The following GALNT13 variants were observed in gnomAD, a reference collection of about 807,000 sequenced individuals.
The protein encoded by GALNT13 is UDP-GalNAc:polypeptide N-acetylgalactosaminyltransferase 13.
GALNT13 carries 28 observed loss-of-function variants against 64.2 expected under a neutral mutation model. The observed-to-expected ratio is 0.44, with a 90% confidence interval of 0.32 to 0.60. The LOEUF (loss-of-function observed/expected upper bound fraction) is 0.60, where lower values mean the gene tolerates loss of function less well. Ranked by LOEUF, GALNT13 falls within the 20% of genes least tolerant of loss-of-function variation. GALNT13 has a pLI of 0.05. For synonymous variants in GALNT13, 214 were observed against 224.6 expected (o/e 0.95, Z 0.42); for missense variants, 577 against 669.8 (o/e 0.86, Z 1.53).
the GALNT13 span, among the ~76,000 whole-genome samples, chr2:153,671,399 A>G: frequency 2.6e-5 from 4 of 152,178 alleles, no homozygotes; most frequent in African/African-American, 7.2e-5. Context: ...CCAATATTCA[A>G]CATTCTTAAA....
At chr2:153,626,045 A>G in the GALNT13 span, among the ~76,000 whole-genome samples, 2 of 152,076 alleles carry the variant, frequency 1.3e-5, no homozygotes, top group Non-Finnish European at 2.9e-5. Flanking sequence ...AAATTAATAT[A>G]TTAATTCTTT....
the GALNT13 span, among the ~76,000 whole-genome samples, chr2:153,197,149 T>G: frequency 2.3e-3 from 346 of 152,242 alleles, 4 homozygotes; most frequent in African/African-American, 6.9e-3. Flanking sequence ...CAGAGGTGGT[T>G]GATGAGGTGG....
intron 1 of GALNT13, among the ~76,000 whole-genome samples, chr2:153,885,550 C>G (rs1687115734): frequency 6.6e-6 from 1 of 151,998 alleles, no homozygotes; most frequent in African/African-American, 2.4e-5. Context: ...TAAACACTTT[C>G]AAAGCACTGA....
the GALNT13 span, among the ~76,000 whole-genome samples, chr2:153,198,650 A>T: frequency 6.6e-6 from 1 of 152,204 alleles, no homozygotes; most frequent in Non-Finnish European, 1.5e-5. Context: ...TTAACTCATT[A>T]TCAAGGTCTC....
At chr2:154,413,126 G>A (rs1457071638) in intron 11 of GALNT13, among the ~76,000 whole-genome samples, 5 of 151,824 alleles carry the variant, frequency 3.3e-5, no homozygotes, top group Admixed American at 3.3e-4. Flanking sequence ...AGATTTACAT[G>A]TACAGCCCCA....
intron 8 of GALNT13, among the ~76,000 whole-genome samples, chr2:154,284,380 C>G (rs1405004413): frequency 6.6e-6 from 1 of 152,078 alleles, no homozygotes; most frequent in Non-Finnish European, 1.5e-5. Context: ...CTGTGCCTGG[C>G]TTATTTCACT....
intron 8 of GALNT13, 48 bp downstream of exon 8, chr2:154,259,186 A>G (rs1042539258): frequency 3.0e-6 from 3 of 1,007,054 alleles, no homozygotes; most frequent in Admixed American, 2.0e-5. Context: ...ACAATGCTGT[A>G]GCATGCACAT....
chr2:154,101,454 T>C (rs2105464544), intron 3 of GALNT13, among the ~76,000 whole-genome samples: 1 of 152,184 alleles, frequency 6.6e-6, no homozygotes, highest in Admixed American at 6.6e-5. Context: ...ATGTTCATAG[T>C]AGTCTTTCAT....
chr2:153,217,171 AT>A, the GALNT13 span, among the ~76,000 whole-genome samples: 1 of 151,818 alleles, frequency 6.6e-6, no homozygotes, highest in Non-Finnish European at 1.5e-5. Flanking sequence ...CTGTTTGTCT[AT>A]TTTTATTTGT....
At chr2:153,338,450 G>A in the GALNT13 span, among the ~76,000 whole-genome samples, 5,563 of 151,940 alleles carry the variant, frequency 0.037, 369 homozygotes, top group African/African-American at 0.12. Flanking sequence ...CACATTTTTC[G>A]CATTTTGAAA....
the GALNT13 span, among the ~76,000 whole-genome samples, chr2:153,186,909 A>G: frequency 3.7e-3 from 558 of 151,966 alleles, 1 homozygote; most frequent in Non-Finnish European, 5.7e-3. Context: ...TTTTCTTTCC[A>G]TATTTAGTAG....
the GALNT13 span, among the ~76,000 whole-genome samples, chr2:153,174,465 C>A: frequency 7.2e-6 from 1 of 138,062 alleles, no homozygotes; most frequent in East Asian, 2.0e-4. Flanking sequence ...AGCACATTTT[C>A]TATTTTTTTT....
chr2:154,400,517 A>G (rs1302916176), intron 10 of GALNT13, among the ~76,000 whole-genome samples: 1 of 152,064 alleles, frequency 6.6e-6, no homozygotes, highest in Non-Finnish European at 1.5e-5. Flanking sequence ...CAAATATGGT[A>G]TTCAGTTTTT....
chr2:154,353,214 T>C (rs890302728), intron 9 of GALNT13, among the ~76,000 whole-genome samples: 10 of 152,180 alleles, frequency 6.6e-5, no homozygotes, highest in African/African-American at 2.4e-4. Context: ...AATTAAATAA[T>C]AGAATCTCTC....
At chr2:153,535,159 A>T in the GALNT13 span, among the ~76,000 whole-genome samples, 30 of 152,062 alleles carry the variant, frequency 2.0e-4, 1 homozygote, top group Middle Eastern at 6.8e-3. Flanking sequence ...TATTGTGGGG[A>T]TGTTAGAAGA....
the GALNT13 span, among the ~76,000 whole-genome samples, chr2:153,256,806 T>C: frequency 1.7e-3 from 260 of 152,358 alleles, 7 homozygotes; most frequent in East Asian, 0.043. Flanking sequence ...GCAGTCTGCC[T>C]GTTCTCAGAT....
the GALNT13 span, among the ~76,000 whole-genome samples, chr2:153,535,509 T>G: frequency 4.4e-3 from 662 of 151,218 alleles, 5 homozygotes; most frequent in African/African-American, 0.014. Flanking sequence ...AGACAGAAGA[T>G]AGTAGGGATG....
chr2:153,082,654 CACACACACACAT>C, the GALNT13 span, among the ~76,000 whole-genome samples: 20 of 79,070 alleles, frequency 2.5e-4, no homozygotes, highest in African/African-American at 8.8e-4. Context: ...CACACACACA[CACACACACACAT>C]ATATATAATT....
chr2:154,045,329 A>C (rs1165031312), intron 3 of GALNT13, among the ~76,000 whole-genome samples: 1 of 152,226 alleles, frequency 6.6e-6, no homozygotes, highest in Non-Finnish European at 1.5e-5. Flanking sequence ...GGAGAGGTAC[A>C]TAATAGCTGT....
Sources: allele counts gnomAD v4.1 joint callset (sites outside exome capture counted in the v4.1 genomes callset), GRCh38; gene constraint gnomAD v4.1.1; transcripts MANE v1.5; gene names NCBI Gene and HGNC (gene_info 2026-07-23, HGNC 2026-07-21).